The following NCKAP5 variants were observed in gnomAD, a reference collection of about 807,000 sequenced individuals.
The protein encoded by NCKAP5 is nck-associated protein 5.
Under a neutral mutation model 167.0 loss-of-function variants are expected in NCKAP5, and 92 were observed. That is an observed-to-expected ratio of 0.55 (90% confidence interval 0.47 to 0.66). The LOEUF (loss-of-function observed/expected upper bound fraction) is 0.66, where lower values mean the gene tolerates loss of function less well. NCKAP5 is among the 30% of genes least tolerant of loss of function. The pLI, the probability that NCKAP5 is intolerant of heterozygous loss-of-function variation, is 0.00. For synonymous variants in NCKAP5, 891 were observed against 877.4 expected (o/e 1.02, Z -0.27); for missense variants, 2,378 against 2,315.0 (o/e 1.03, Z -0.56).
chr2:133,061,889 A>G (rs1050543380), intron 6 of NCKAP5, among the ~76,000 whole-genome samples: 3 of 151,616 alleles, frequency 2.0e-5, no homozygotes, highest in Admixed American at 2.0e-4. Context: ...ACCTTTCTCC[A>G]CTCCCCAACC....
At chr2:133,290,728 C>CTTTTTTTTTTTTTTTTTTTTTTTTTT (rs58758295) in intron 4 of NCKAP5, among the ~76,000 whole-genome samples, 3 of 89,364 alleles carry the variant, frequency 3.4e-5, no homozygotes, top group Non-Finnish European at 4.2e-5. Context: ...AGAATTTCTC[C>CTTTTTTTTTTTTTTTTTTTTTTTTTT]TTTTTTTTTT....
At chr2:133,606,700 A>T in the NCKAP5 span, among the ~76,000 whole-genome samples, 1 of 139,544 alleles carries the variant, frequency 7.2e-6, no homozygotes, top group African/African-American at 3.0e-5. Context: ...AAGCTTGAGA[A>T]TCTCTGCCAT....
chr2:133,328,421 A>G (rs1682603764), intron 3 of NCKAP5, among the ~76,000 whole-genome samples: 1 of 152,220 alleles, frequency 6.6e-6, no homozygotes, highest in Non-Finnish European at 1.5e-5. Context: ...CAAGAGATTT[A>G]AAACTTAATA....
chr2:133,255,090 A>C (rs1260235902), intron 4 of NCKAP5, among the ~76,000 whole-genome samples: 1 of 152,136 alleles, frequency 6.6e-6, no homozygotes, highest in Non-Finnish European at 1.5e-5. Context: ...GGTGGTTGTC[A>C]GAATAAAATA....
At chr2:132,771,265 G>A (rs541031258) in intron 16 of NCKAP5, among the ~76,000 whole-genome samples, 5 of 152,178 alleles carry the variant, frequency 3.3e-5, no homozygotes, top group Non-Finnish European at 5.9e-5. Flanking sequence ...CGGAGGCCTA[G>A]CTAATATGTG....
Position 132,782,953 on chromosome 2 carries a change from A to T in NCKAP5, c.3858T>A (p.Pro1286=). 6.2e-7 allele frequency: 1 copy of T among 1,613,944 alleles called. No individual in the cohort carries two copies. The change falls in exon 14 of 20, where the codon CCT becomes CCA. Residue 1286 remains proline, a synonymous_variant. Transcript: ENST00000409261. ...HSFSTHSGDK[P]STPPIEGSGK... is the part of the protein sequence containing the mutation. ...CTGACCCTTCGATGGGGGGCGTAGA[A>T]GGCTTGTCTCCTGAGTGTGTACTGA...
chr2:133,485,777 T>TG (rs1291598555), intron 3 of NCKAP5, among the ~76,000 whole-genome samples: 2 of 152,224 alleles, frequency 1.3e-5, no homozygotes, highest in East Asian at 3.9e-4. Context: ...TGCTGCATAC[T>TG]GGGGGTGGGG....
intron 6 of NCKAP5, among the ~76,000 whole-genome samples, chr2:133,124,917 G>C (rs752194355): frequency 6.6e-6 from 1 of 152,096 alleles, no homozygotes; most frequent in Admixed American, 6.5e-5. Context: ...GTGGTGACAC[G>C]CACCTATAGT....
chr2:132,918,262 C>A (rs140580770), intron 8 of NCKAP5, among the ~76,000 whole-genome samples: 511 of 152,238 alleles, frequency 3.4e-3, no homozygotes, highest in African/African-American at 0.012. Context: ...CAAGGAAAGG[C>A]TGGTTTTTTT....
intron 8 of NCKAP5, among the ~76,000 whole-genome samples, chr2:132,962,690 A>C (rs2149201836): frequency 6.6e-6 from 1 of 152,220 alleles, no homozygotes; most frequent in Non-Finnish European, 1.5e-5. Flanking sequence ...TCCCAGGTTC[A>C]CGCCATTCTC....
intron 4 of NCKAP5, among the ~76,000 whole-genome samples, chr2:133,235,886 A>G (rs575074263): frequency 9.5e-4 from 144 of 150,986 alleles, no homozygotes; most frequent in Non-Finnish European, 1.8e-3. Context: ...CCTGGGCAAC[A>G]AAAGTGAAAC....
intron 6 of NCKAP5, among the ~76,000 whole-genome samples, chr2:133,126,102 T>G (rs1389387254): frequency 6.6e-6 from 1 of 152,200 alleles, no homozygotes; most frequent in Non-Finnish European, 1.5e-5. Context: ...TGCATAAAAT[T>G]AAGCCATGGA....
chr2:132,969,631 G>C (rs1559002642), intron 7 of NCKAP5, among the ~76,000 whole-genome samples: 1 of 152,200 alleles, frequency 6.6e-6, no homozygotes, highest in African/African-American at 2.4e-5. Flanking sequence ...GTGAGGCTCT[G>C]TGTAGTTCTC....
chr2:133,436,360 G>A (rs1690478906), intron 3 of NCKAP5, among the ~76,000 whole-genome samples: 1 of 152,200 alleles, frequency 6.6e-6, no homozygotes, highest in African/African-American at 2.4e-5. Context: ...CTTTTTCAGA[G>A]TCAGACTGGG....
chr2:133,125,297 G>A (rs2082368881), intron 6 of NCKAP5, among the ~76,000 whole-genome samples: 1 of 149,040 alleles, frequency 6.7e-6, no homozygotes, highest in South Asian at 2.1e-4. Flanking sequence ...ATTCCTCAAA[G>A]TGCTCCTCTA....
At chr2:132,991,863 A>T (rs551339641) in intron 7 of NCKAP5, among the ~76,000 whole-genome samples, 1 of 152,344 alleles carries the variant, frequency 6.6e-6, no homozygotes, top group East Asian at 1.9e-4. Context: ...GGAGGTGTTA[A>T]CTATGTGCTC....
intron 5 of NCKAP5, among the ~76,000 whole-genome samples, chr2:133,197,705 CT>C (rs1481711492): frequency 6.6e-6 from 1 of 152,154 alleles, no homozygotes; most frequent in African/African-American, 2.4e-5. Context: ...AATCCCAGCA[CT>C]TTGGGAGGCC....
chr2:133,263,468 A>G (rs1381621109), intron 4 of NCKAP5, among the ~76,000 whole-genome samples: 1 of 151,910 alleles, frequency 6.6e-6, no homozygotes, highest in Non-Finnish European at 1.5e-5. Context: ...TAATCTCCCT[A>G]TGGTATACCA....
intron 4 of NCKAP5, among the ~76,000 whole-genome samples, chr2:133,276,588 A>G (rs1018647689): frequency 5.3e-5 from 8 of 152,144 alleles, no homozygotes; most frequent in African/African-American, 1.9e-4. Flanking sequence ...ACCCCACAAA[A>G]ACATCTCTAG....
Sources: gnomAD v4.1 joint callset for allele counts (sites outside exome capture counted in the v4.1 genomes callset) on GRCh38, gnomAD v4.1.1 for gene constraint, MANE v1.5 for transcripts, NCBI Gene and HGNC (gene_info 2026-07-23, HGNC 2026-07-21) for gene names.